GPC5: variants seen among roughly 807,000 people sequenced by gnomAD.
GPC5 encodes the protein glypican 5, also known as glypican-5.
A neutral mutation model predicts 53.9 loss-of-function variants in GPC5; 47 were observed. The observed-to-expected ratio is 0.87, with a 90% CI of 0.69 to 1.11. GPC5 has a LOEUF of 1.11. Ranked by LOEUF, GPC5 falls within the 50% of genes most tolerant of loss-of-function variation. The pLI is 0.00. For synonymous variants in GPC5, 286 were observed against 263.3 expected, an observed-to-expected ratio of 1.09 and a Z score of -0.84; for missense variants, 748 against 713.1, an observed-to-expected ratio of 1.05 and a Z score of -0.56.
At chr13:91,912,661 ATAT>A (rs1355864501) in intron 6 of GPC5, among the ~76,000 whole-genome samples, 1 of 152,158 alleles carries the variant, frequency 6.6e-6, no homozygotes, top group Non-Finnish European at 1.5e-5. Context: ...TGGTGCTGGC[ATAT>A]TATCCTATCA....
intron 2 of GPC5, among the ~76,000 whole-genome samples, chr13:91,593,459 G>A (rs1166294328): frequency 1.1e-5 from 1 of 91,496 alleles, no homozygotes; most frequent in Non-Finnish European, 2.7e-5. Flanking sequence ...TTTGTAGTAT[G>A]ATGTCTCTGG....
chr13:91,407,470 C>G lies in GPC5; in HGVS notation c.163+8261C>G, dbSNP rs58369022. Among the ~76,000 whole-genome samples the G allele has an allele frequency of 5.4e-3, 818 of 152,286 alleles. 10 individuals are homozygous for G. Among genetic ancestry groups the G allele is most frequent in the African/African-American group, 0.019 (796 of 41,552 alleles). On this transcript the variant is annotated intron_variant, in intron 1 of 7. Coordinates refer to ENST00000377067, the MANE Select transcript of GPC5 (RefSeq NM_004466.6). ...GTAGTGGGGTGACTGATCTGCCTTACAGCATTGATCTGTTGTTGAGAGAAT... is the reference window on the plus strand; with the variant it reads ...GTAGTGGGGTGACTGATCTGCCTTAGAGCATTGATCTGTTGTTGAGAGAAT...
At chr13:91,900,932 A>C (rs1402306421) in intron 5 of GPC5, among the ~76,000 whole-genome samples, 4 of 152,254 alleles carry the variant, frequency 2.6e-5, no homozygotes, top group South Asian at 4.1e-4. Flanking sequence ...TGGCATGCGT[A>C]GATTCACGCC....
At chr13:91,542,529 G>C (rs553323770) in intron 2 of GPC5, among the ~76,000 whole-genome samples, 1 of 152,282 alleles carries the variant, frequency 6.6e-6, no homozygotes, top group South Asian at 2.1e-4. Flanking sequence ...TTTTGCATCA[G>C]AGCCAGTGTA....
intron 2 of GPC5, among the ~76,000 whole-genome samples, chr13:91,574,752 A>G (rs1594278262): frequency 6.6e-6 from 1 of 152,082 alleles, no homozygotes; most frequent in Non-Finnish European, 1.5e-5. Context: ...TGAATTACCT[A>G]TACATGAAGA....
chr13:91,722,479 T>C (rs1329366302), intron 3 of GPC5, among the ~76,000 whole-genome samples: 1 of 152,170 alleles, frequency 6.6e-6, no homozygotes, highest in Non-Finnish European at 1.5e-5. Context: ...AGGAATGAAA[T>C]GCAGAAGCGC....
intron 7 of GPC5, among the ~76,000 whole-genome samples, chr13:92,474,399 G>T (rs1405576614): frequency 3.3e-5 from 5 of 151,912 alleles, no homozygotes; most frequent in African/African-American, 9.7e-5. Flanking sequence ...ATTGTGTTAC[G>T]GTGGCCATTT....
chr13:91,548,744 G>C (rs2030443510), intron 2 of GPC5, among the ~76,000 whole-genome samples: 1 of 152,128 alleles, frequency 6.6e-6, no homozygotes, highest in South Asian at 2.1e-4. Flanking sequence ...TGTTGTAAAA[G>C]AACAGACAAA....
At chr13:92,226,623 C>A (rs1212985754) in intron 7 of GPC5, among the ~76,000 whole-genome samples, 1 of 150,220 alleles carries the variant, frequency 6.7e-6, no homozygotes, top group East Asian at 2.0e-4. Flanking sequence ...TTTTTTTTTT[C>A]TTTTTTTCTT....
intron 7 of GPC5, among the ~76,000 whole-genome samples, chr13:92,305,803 C>T (rs754211719): frequency 4.6e-5 from 7 of 152,130 alleles, no homozygotes; most frequent in African/African-American, 7.2e-5. Flanking sequence ...ACAAAGTCCA[C>T]GATTTCTTCC....
chr13:92,347,011 A>G (rs1393035363), intron 7 of GPC5, among the ~76,000 whole-genome samples: 1 of 152,188 alleles, frequency 6.6e-6, no homozygotes, highest in Middle Eastern at 3.2e-3. Context: ...AGACAAAAGA[A>G]TGAAAAAATG....
chr13:92,370,901 C>T (rs374888616), intron 7 of GPC5, among the ~76,000 whole-genome samples: 1 of 152,164 alleles, frequency 6.6e-6, no homozygotes, highest in Admixed American at 6.5e-5. Context: ...GTAATCCCAG[C>T]ACTTTGGGAG....
chr13:92,163,234 G>C (rs1027222089), intron 7 of GPC5, among the ~76,000 whole-genome samples: 4 of 152,018 alleles, frequency 2.6e-5, no homozygotes, highest in Non-Finnish European at 5.9e-5. Flanking sequence ...GTCCGAGGTG[G>C]GCGGATCACC....
At chr13:92,249,235 TG>T (rs2042675276) in intron 7 of GPC5, among the ~76,000 whole-genome samples, 1 of 152,132 alleles carries the variant, frequency 6.6e-6, no homozygotes, top group African/African-American at 2.4e-5. Flanking sequence ...GTTTTGCCAC[TG>T]CAAACAATAG....
chr13:92,126,441 T>A (rs2041697832), intron 6 of GPC5, among the ~76,000 whole-genome samples: 1 of 152,160 alleles, frequency 6.6e-6, no homozygotes, highest in South Asian at 2.1e-4. Flanking sequence ...GTTGAAGTAG[T>A]GAGATGATTG....
intron 7 of GPC5, among the ~76,000 whole-genome samples, chr13:92,611,374 T>C (rs899907289): frequency 3.3e-5 from 5 of 152,160 alleles, no homozygotes; most frequent in African/African-American, 1.2e-4. Context: ...TCTTTCCCTT[T>C]GTCTGAAAAT....
At chr13:91,823,103 G>T (rs1483953741) in intron 5 of GPC5, among the ~76,000 whole-genome samples, 2 of 152,020 alleles carry the variant, frequency 1.3e-5, no homozygotes, top group Admixed American at 6.6e-5. Context: ...AGAAGGAAAA[G>T]GTTGAACCAA....
intron 2 of GPC5, among the ~76,000 whole-genome samples, chr13:91,556,042 C>G (rs1296485541): frequency 6.7e-6 from 1 of 149,456 alleles, no homozygotes; most frequent in Non-Finnish European, 1.5e-5. Context: ...CCATGAGGAT[C>G]CCTGGTGTTG....
At position 91,792,527 on chromosome 13, in the gene GPC5, G is replaced by C. The variant is rs572585562; in HGVS notation, c.1280+36107G>C. On this transcript the variant is annotated intron_variant, in intron 5 of 7. Transcript: ENST00000377067. ...TCTGACTTTCACCCTTTCATTCTTA[G>C]ACCCATGTAGTTTGGCTATGAGTGA... 1.4e-4 allele frequency among the ~76,000 whole-genome samples: 21 copies of C among 152,244 alleles called. No individual in the cohort carries two copies. The East Asian group carries it at 4.1e-3, about 30-fold the overall frequency.
Sources: allele counts gnomAD v4.1 joint callset (sites outside exome capture counted in the v4.1 genomes callset), GRCh38; gene constraint gnomAD v4.1.1; transcripts MANE v1.5; gene names NCBI Gene and HGNC (gene_info 2026-07-23, HGNC 2026-07-21).